The following DGKB variants were observed in gnomAD, a reference collection of about 807,000 sequenced individuals.
The protein encoded by DGKB is diacylglycerol kinase beta.
A neutral mutation model predicts 114.3 loss-of-function variants in DGKB; 67 were observed. The ratio of observed to expected loss-of-function variants is 0.59; its 90% CI spans 0.48 to 0.72. The LOEUF is 0.72. Among genes scored for constraint, DGKB ranks in the 30% least tolerant of loss-of-function variants. The probability of loss-of-function intolerance (pLI) is 0.00; values close to 1 mark genes in which losing one functional copy is unlikely to be tolerated. For synonymous variants in DGKB, 398 were observed against 323.1 expected, an observed-to-expected ratio of 1.23 and a Z score of -2.49; for missense variants, 907 against 975.2, an observed-to-expected ratio of 0.93 and a Z score of 0.93.
chr7:14,653,231 A>G (rs887456093), intron 13 of DGKB, among the ~76,000 whole-genome samples: 110 of 149,580 alleles, frequency 7.4e-4, no homozygotes, highest in African/African-American at 2.5e-3. Flanking sequence ...CATTATTCAC[A>G]ACAGCAAAGA....
At chr7:14,321,673 G>A (rs1449054141) in intron 23 of DGKB, among the ~76,000 whole-genome samples, 1 of 151,680 alleles carries the variant, frequency 6.6e-6, no homozygotes, top group Non-Finnish European at 1.5e-5. Flanking sequence ...TTTATTGATG[G>A]CATGATATTT....
chr7:14,710,666 A>G (rs1585879609), intron 6 of DGKB, among the ~76,000 whole-genome samples: 2 of 152,082 alleles, frequency 1.3e-5, no homozygotes, highest in East Asian at 3.8e-4. Context: ...ATGGAGTTCT[A>G]TACTACTTTT....
chr7:14,208,010 T>C (rs10240257), intron 23 of DGKB, among the ~76,000 whole-genome samples: 2 of 151,854 alleles, frequency 1.3e-5, no homozygotes, highest in Non-Finnish European at 2.9e-5. Flanking sequence ...CTCTATGATA[T>C]TCTCAGTAAA....
At chr7:14,451,541 ATCTGTCTC>A (rs1347845816) in intron 21 of DGKB, among the ~76,000 whole-genome samples, 1 of 99,210 alleles carries the variant, frequency 1.0e-5, no homozygotes, top group Non-Finnish European at 2.0e-5. Flanking sequence ...AAATCTCTCT[ATCTGTCTC>A]TCTCTCTCTC....
At chr7:14,515,579 A>G (rs1479108884) in intron 20 of DGKB, among the ~76,000 whole-genome samples, 2 of 152,198 alleles carry the variant, frequency 1.3e-5, no homozygotes, top group Non-Finnish European at 2.9e-5. Context: ...CACCTCATCC[A>G]AAAATGTATA....
At chr7:14,433,744 A>G (rs558649038) in intron 21 of DGKB, among the ~76,000 whole-genome samples, 1 of 152,258 alleles carries the variant, frequency 6.6e-6, no homozygotes, top group Admixed American at 6.5e-5. Context: ...TTCCTTATCT[A>G]AAACGTTTGG....
intron 2 of DGKB, among the ~76,000 whole-genome samples, chr7:14,820,902 C>G (rs535043803): frequency 6.6e-6 from 1 of 152,168 alleles, no homozygotes; most frequent in African/African-American, 2.4e-5. Context: ...CCACAGAAGA[C>G]TTTTTGGGCC....
intron 2 of DGKB, among the ~76,000 whole-genome samples, chr7:14,785,430 T>A (rs1839742214): frequency 6.6e-6 from 1 of 152,122 alleles, no homozygotes; most frequent in Non-Finnish European, 1.5e-5. Flanking sequence ...CAAAATCATA[T>A]GTATACATGT....
chr7:14,210,103 C>A (rs1787514769), intron 23 of DGKB, among the ~76,000 whole-genome samples: 1 of 152,022 alleles, frequency 6.6e-6, no homozygotes, highest in African/African-American at 2.4e-5. Flanking sequence ...GCTAACACCT[C>A]CAGTGCCAGG....
At chr7:14,385,475 A>G (rs922963635) in intron 21 of DGKB, among the ~76,000 whole-genome samples, 1 of 152,214 alleles carries the variant, frequency 6.6e-6, no homozygotes, top group Non-Finnish European at 1.5e-5. Context: ...TGGATGACTT[A>G]TTCATACATG....
chr7:14,271,286 T>C (rs1189016752), intron 23 of DGKB, among the ~76,000 whole-genome samples: 3 of 152,170 alleles, frequency 2.0e-5, no homozygotes, highest in Admixed American at 1.3e-4. Flanking sequence ...CCAAACTGTG[T>C]TGCTCACTAT....
At chr7:14,363,104 G>C (rs982269896) in intron 21 of DGKB, among the ~76,000 whole-genome samples, 3 of 152,086 alleles carry the variant, frequency 2.0e-5, no homozygotes, top group South Asian at 2.1e-4. Context: ...CAGTATCCTG[G>C]CTGGGCTTCG....
At chr7:14,794,086 A>G (rs1841065194) in intron 2 of DGKB, among the ~76,000 whole-genome samples, 2 of 152,280 alleles carry the variant, frequency 1.3e-5, no homozygotes, top group East Asian at 1.9e-4. Context: ...GCTTGCAGAA[A>G]GCACATTGTG....
chr7:14,269,787 A>C lies in DGKB; in HGVS notation c.2122+68728T>G, dbSNP rs1288256613. ...TATTTGTTAGGGAAATTTTATTTTC[A>C]CTCCTGAGGAATATTGTAATATGAT... On this transcript the variant is annotated intron_variant, in intron 23 of 25. Coordinates refer to ENST00000402815, the MANE Select transcript of DGKB (RefSeq NM_001350709.2). Among the ~76,000 whole-genome samples, 4 of 152,198 alleles carry C rather than the reference A, an allele frequency of 2.6e-5. No individual in the cohort carries two copies. In the East Asian group the frequency reaches 7.7e-4, roughly 29 times the overall value.
intron 1 of DGKB, among the ~76,000 whole-genome samples, chr7:14,855,684 CATA>C (rs55936264): frequency 0.016 from 2,452 of 152,212 alleles, 20 homozygotes; most frequent in Admixed American, 0.024. Flanking sequence ...TTCTTTTGAT[CATA>C]ATGTTTTTGG....
intron 23 of DGKB, among the ~76,000 whole-genome samples, chr7:14,239,243 G>T (rs1340764474): frequency 6.6e-6 from 1 of 152,036 alleles, no homozygotes; most frequent in Non-Finnish European, 1.5e-5. Flanking sequence ...TTATAAAAAA[G>T]TGCAGTTGGA....
intron 23 of DGKB, among the ~76,000 whole-genome samples, chr7:14,263,021 G>A (rs1796996703): frequency 6.6e-6 from 1 of 151,948 alleles, no homozygotes; most frequent in African/African-American, 2.4e-5. Context: ...ATCCTGAAGG[G>A]CTGCACATTC....
chr7:14,298,817 A>G (rs1045571239), intron 23 of DGKB, among the ~76,000 whole-genome samples: 1 of 152,218 alleles, frequency 6.6e-6, no homozygotes, highest in Non-Finnish European at 1.5e-5. Context: ...AATATCCAGC[A>G]TCTACAAAGA....
chr7:14,973,587 C>T (rs1479271700), intron 1 of DGKB, among the ~76,000 whole-genome samples: 2 of 145,070 alleles, frequency 1.4e-5, no homozygotes, highest in African/African-American at 5.0e-5. Flanking sequence ...CTCAGAACAA[C>T]ACACCCTTCA....
Sources: gnomAD v4.1 joint callset for allele counts (sites outside exome capture counted in the v4.1 genomes callset) on GRCh38, gnomAD v4.1.1 for gene constraint, MANE v1.5 for transcripts, NCBI Gene and HGNC (gene_info 2026-07-23, HGNC 2026-07-21) for gene names.